TEX10: variants seen among roughly 807,000 people sequenced by gnomAD.
TEX10 encodes testis-expressed protein 10.
TEX10 carries 24 observed loss-of-function variants against 104.4 expected under a neutral mutation model. The ratio of observed to expected loss-of-function variants is 0.23; its 90% CI spans 0.17 to 0.32. The LOEUF (loss-of-function observed/expected upper bound fraction) is 0.32. Ranked by LOEUF, TEX10 falls within the 10% of genes least tolerant of loss-of-function variation. TEX10 has a pLI of 1.00. For missense variants in TEX10, 921 were observed against 1,083.9 expected (o/e 0.85, Z 2.11); for synonymous variants, 396 against 393.4 (o/e 1.01, Z -0.08).
chr9:100,352,377 A>G, intron 1 of TEX10: 1 of 1,550,958 alleles, frequency 6.4e-7, no homozygotes, highest in Non-Finnish European at 8.7e-7. Context: ...GCTCATCCCC[A>G]CTCCGTATTC....
rs573126543 is a variant in TEX10, at chr9:100,320,410, A to T, written c.2069-12T>A. ...CTCTTTCGAAAACCCTAATTCAGGT[A>T]ACAAAGAAAGCCAATTTAAAAAAAC... On this transcript the variant is annotated splice_polypyrimidine_tract_variant and intron_variant, in intron 10 of 14. Coordinates refer to ENST00000374902, the MANE Select transcript of TEX10 (RefSeq NM_017746.4). The T allele has an allele frequency of 1.3e-5, 21 of 1,580,904 alleles. No individual in the cohort carries two copies. In the East Asian group the frequency reaches 4.7e-4, roughly 35 times the overall value.
At chr9:100,320,478 A>C (rs754874131) in intron 10 of TEX10, 80 bp from the exon 11 acceptor site, 8 of 1,439,002 alleles carry the variant, frequency 5.6e-6, no homozygotes, top group Non-Finnish European at 7.4e-6. Flanking sequence ...CAGAGATGAC[A>C]TATGCCTTCA....
intron 1 of TEX10, among the ~76,000 whole-genome samples, chr9:100,350,686 TA>T (rs983225002): frequency 3.9e-5 from 6 of 152,054 alleles, no homozygotes; most frequent in African/African-American, 1.4e-4. Flanking sequence ...CATGAGGGTA[TA>T]AAAAAATGGG....
chr9:100,329,843 G>T, intron 6 of TEX10, 88 bp downstream of exon 6: 1 of 1,136,716 alleles, frequency 8.8e-7, no homozygotes, highest in South Asian at 1.5e-5. Context: ...TACATGGAAT[G>T]TTTACAAGCC....
intron 11 of TEX10, among the ~76,000 whole-genome samples, chr9:100,312,182 A>G (rs1299726551): frequency 6.6e-6 from 1 of 152,250 alleles, no homozygotes; most frequent in Non-Finnish European, 1.5e-5. Context: ...TGCACATTCA[A>G]TAATGACCAC....
intron 4 of TEX10, among the ~76,000 whole-genome samples, chr9:100,342,850 A>G (rs1255753030): frequency 1.3e-5 from 2 of 152,202 alleles, no homozygotes; most frequent in Non-Finnish European, 2.9e-5. Flanking sequence ...ATTTCATTTT[A>G]AAAACTAGCT....
chr9:100,334,410 A>G (rs1288151946), intron 5 of TEX10, among the ~76,000 whole-genome samples: 1 of 152,208 alleles, frequency 6.6e-6, no homozygotes, highest in Non-Finnish European at 1.5e-5. Flanking sequence ...CCCTGCTAAA[A>G]CATTCTTCAG....
chr9:100,332,015 G>A (rs1011025947), intron 5 of TEX10, among the ~76,000 whole-genome samples: 1 of 152,192 alleles, frequency 6.6e-6, no homozygotes, highest in Non-Finnish European at 1.5e-5. Context: ...AAAAGGGGCA[G>A]AGAGATCTAG....
At chr9:100,339,285 AT>A (rs1300470236) in intron 5 of TEX10, among the ~76,000 whole-genome samples, 1 of 136,688 alleles carries the variant, frequency 7.3e-6, no homozygotes, top group Non-Finnish European at 1.5e-5. Flanking sequence ...GTATATATAT[AT>A]ATATACATAT....
intron 11 of TEX10, among the ~76,000 whole-genome samples, chr9:100,318,639 A>G (rs999404514): frequency 6.6e-6 from 1 of 152,242 alleles, no homozygotes; most frequent in African/African-American, 2.4e-5. Flanking sequence ...ATAAACTTAA[A>G]AACTTAGAAA....
chr9:100,321,626 G>A (rs1450018850), intron 10 of TEX10, 57 bp downstream of exon 10: 1 of 1,356,846 alleles, frequency 7.4e-7, no homozygotes, highest in Admixed American at 1.8e-5. Flanking sequence ...CTTAGAAGGA[G>A]AATTGTGATT....
At chr9:100,342,890 G>A (rs1418355265) in intron 4 of TEX10, among the ~76,000 whole-genome samples, 1 of 152,136 alleles carries the variant, frequency 6.6e-6, no homozygotes, top group Non-Finnish European at 1.5e-5. Flanking sequence ...GCTCATGCCT[G>A]TAATCCCAGC....
At chr9:100,316,052 T>C (rs1194840908) in intron 11 of TEX10, among the ~76,000 whole-genome samples, 1 of 152,248 alleles carries the variant, frequency 6.6e-6, no homozygotes, top group Non-Finnish European at 1.5e-5. Flanking sequence ...GCTTAGTCAC[T>C]TTACATAAGT....
chr9:100,349,586 C>G (rs1032158693), intron 1 of TEX10, among the ~76,000 whole-genome samples: 1 of 152,084 alleles, frequency 6.6e-6, no homozygotes. Context: ...AGTCTTGCCA[C>G]GGTTTTGCAA....
Position 100,349,242 on chromosome 9 carries a change from G to A in TEX10, c.122C>T (p.Pro41Leu). 6.3e-7 allele frequency: 1 copy of A among 1,596,572 alleles called. No homozygotes were observed. The highest frequency in any genetic ancestry group is 8.5e-7 in the Non-Finnish European group (1 of 1,174,482). ...TNFKTKTIHL[P>L]EQLKEDGTLP... is the part of the protein sequence containing the mutation. ...TGTTCCATCCTCTTTGAGTTGCTCA[G>A]GCAGATGTATAGTCTTTGTTTTAAA... The change falls in exon 2 of 15, where the codon CCT (proline) becomes CTT (leucine). Residue 41 changes from proline (P) to leucine (L), a missense_variant. Around this residue, in one of 3 missense-constraint regions of TEX10, gnomAD observed 118 missense variants for 111.3 expected, o/e 1.06. Transcript: ENST00000374902.
intron 13 of TEX10, chr9:100,305,094 A>C (rs1834112863): frequency 1.3e-5 from 2 of 152,202 alleles, no homozygotes; most frequent in African/African-American, 4.8e-5. Context: ...GTGACCTTGC[A>C]GCTAGCCTAA....
intron 5 of TEX10, among the ~76,000 whole-genome samples, chr9:100,332,465 G>A (rs1834887731): frequency 6.6e-6 from 1 of 152,162 alleles, no homozygotes; most frequent in South Asian, 2.1e-4. Context: ...ACAATTCTAG[G>A]AGGAAGGCAG....
chr9:100,315,865 A>T (rs1834403977), intron 11 of TEX10, among the ~76,000 whole-genome samples: 1 of 152,186 alleles, frequency 6.6e-6, no homozygotes, highest in African/African-American at 2.4e-5. Context: ...CAGTCTGATT[A>T]TAATATGTCA....
chr9:100,305,678 A>C (rs1193575337), intron 13 of TEX10: 1 of 152,226 alleles, frequency 6.6e-6, no homozygotes, highest in Non-Finnish European at 1.5e-5. Context: ...AAGAAACTAT[A>C]ATGAAATTCA....
Sources: gnomAD v4.1 joint callset for allele counts (sites outside exome capture counted in the v4.1 genomes callset) on GRCh38, gnomAD v4.1.1 for gene constraint, gnomAD v4.1.1 regional missense constraint, MANE v1.5 for transcripts, NCBI Gene and HGNC (gene_info 2026-07-23, HGNC 2026-07-21) for gene names.